Variants in ADGRV1 observed in about 807,000 individuals in gnomAD.
ADGRV1 encodes the protein adhesion G protein-coupled receptor V1.
ADGRV1 carries 359 observed loss-of-function variants against 596.2 expected under a neutral mutation model. The observed-to-expected ratio is 0.60, with a 90% confidence interval of 0.55 to 0.66. ADGRV1 has a LOEUF of 0.66. Among genes scored for constraint, ADGRV1 ranks in the 30% least tolerant of loss-of-function variants. The pLI, the probability that ADGRV1 is intolerant of heterozygous loss-of-function variation, is 0.00. For synonymous variants in ADGRV1, 2,681 were observed against 2,679.2 expected, an observed-to-expected ratio of 1.00 and a Z score of -0.02; for missense variants, 7,274 against 7,575.6, an observed-to-expected ratio of 0.96 and a Z score of 1.48.
At chr5:90,807,054 T>C (rs529841140) in intron 72 of ADGRV1, among the ~76,000 whole-genome samples, 45 of 152,200 alleles carry the variant, frequency 3.0e-4, no homozygotes, top group Non-Finnish European at 5.0e-4. Context: ...GGTTTCACCA[T>C]GTTGGCCAGG....
At chr5:91,070,726 ATAATC>A (rs1370943557) in intron 85 of ADGRV1, among the ~76,000 whole-genome samples, 1 of 152,200 alleles carries the variant, frequency 6.6e-6, no homozygotes, top group Non-Finnish European at 1.5e-5. Flanking sequence ...AAATAAATAA[ATAATC>A]TAAGTTTGCC....
chr5:91,015,337 T>C (rs1176749333), intron 85 of ADGRV1, among the ~76,000 whole-genome samples: 2 of 152,142 alleles, frequency 1.3e-5, no homozygotes, highest in African/African-American at 2.4e-5. Flanking sequence ...CATGTGGCGA[T>C]GAGAAGAATG....
intron 85 of ADGRV1, among the ~76,000 whole-genome samples, chr5:91,008,568 A>G (rs1238959951): frequency 3.9e-5 from 6 of 152,118 alleles, no homozygotes; most frequent in African/African-American, 1.2e-4. Context: ...CAGTGGCATG[A>G]TATCAACTCA....
intron 86 of ADGRV1, among the ~76,000 whole-genome samples, chr5:91,084,126 T>C (rs1277453144): frequency 6.6e-6 from 1 of 152,176 alleles, no homozygotes; most frequent in Non-Finnish European, 1.5e-5. Flanking sequence ...TTCTTACTCC[T>C]ACTTGTTCTT....
At chr5:90,768,605 T>G (rs1378977587) in intron 59 of ADGRV1, among the ~76,000 whole-genome samples, 1 of 152,210 alleles carries the variant, frequency 6.6e-6, no homozygotes, top group Non-Finnish European at 1.5e-5. Context: ...GAGTCACCAT[T>G]GCCCATCTTA....
chr5:90,702,609 T>TA (rs1430733351), intron 34 of ADGRV1, among the ~76,000 whole-genome samples: 1 of 151,944 alleles, frequency 6.6e-6, no homozygotes, highest in Non-Finnish European at 1.5e-5. Context: ...TGTGGCGGTT[T>TA]AAAAAATACT....
At chr5:91,012,418 C>T (rs1782796873) in intron 85 of ADGRV1, among the ~76,000 whole-genome samples, 1 of 151,814 alleles carries the variant, frequency 6.6e-6, no homozygotes, top group Admixed American at 6.6e-5. Context: ...TTCTTTAGAC[C>T]TTTAAATTAT....
intron 53 of ADGRV1, among the ~76,000 whole-genome samples, chr5:90,753,350 T>G (rs983216107): frequency 6.6e-6 from 1 of 152,120 alleles, no homozygotes; most frequent in Middle Eastern, 3.4e-3. Flanking sequence ...GCTGCATTTT[T>G]TTTTATTAGC....
intron 1 of ADGRV1, 29 bp downstream of exon 1, chr5:90,558,946 G>A (rs1425494342): frequency 1.3e-6 from 2 of 1,545,744 alleles, no homozygotes; most frequent in East Asian, 2.4e-5. Context: ...GTGGTGCTGC[G>A]AGCATCGCTG....
At position 90,985,324 on chromosome 5, in the gene ADGRV1, T is replaced by C. The variant is rs1780397321; in HGVS notation, c.17974-20T>C. 6.4e-7 allele frequency: 1 copy of C among 1,569,002 alleles called. No individual in the cohort carries two copies. The highest frequency in any genetic ancestry group is 8.7e-7 in the Non-Finnish European group (1 of 1,153,896). On this transcript the variant is annotated intron_variant, in intron 84 of 89. Transcript: ENST00000405460. ...CCATTAAAGAAGAGCCTGTTCATTT[T>C]ATGTTGTTTTCTTCCTTAGTCTGTG...
intron 67 of ADGRV1, among the ~76,000 whole-genome samples, chr5:90,784,698 C>A (rs1307956378): frequency 6.6e-6 from 1 of 151,856 alleles, no homozygotes; most frequent in Non-Finnish European, 1.5e-5. Flanking sequence ...ACCAGAGGGC[C>A]CAATAGATGT....
chr5:90,631,221 C>T (rs997594928), intron 9 of ADGRV1, among the ~76,000 whole-genome samples: 3 of 152,100 alleles, frequency 2.0e-5, no homozygotes, highest in Admixed American at 6.5e-5. Context: ...TTAGATAACT[C>T]GATCTTTGTC....
chr5:90,578,308 G>GT (rs1757509071), intron 1 of ADGRV1, among the ~76,000 whole-genome samples: 1 of 152,154 alleles, frequency 6.6e-6, no homozygotes, highest in South Asian at 2.1e-4. Context: ...TTTATTGAGA[G>GT]TTTTTAGCAT....
At chr5:90,625,554 CA>C (rs1764628002) in intron 6 of ADGRV1, 1 of 190,080 alleles carries the variant, frequency 5.3e-6, no homozygotes. Context: ...AATATTTTAC[CA>C]TAAAAGCAAA....
chr5:90,662,942 C>G (rs1391737178), intron 21 of ADGRV1, among the ~76,000 whole-genome samples: 1 of 150,954 alleles, frequency 6.6e-6, no homozygotes, highest in Non-Finnish European at 1.5e-5. Flanking sequence ...GACATGAACT[C>G]ATCATTTTTT....
chr5:90,794,267 T>C (rs1202615399), intron 70 of ADGRV1, among the ~76,000 whole-genome samples: 2 of 152,178 alleles, frequency 1.3e-5, no homozygotes, highest in Admixed American at 6.5e-5. Context: ...CAAAAGAGTC[T>C]TGATGTAGGT....
chr5:90,926,452 T>G (rs1774465361), intron 83 of ADGRV1, among the ~76,000 whole-genome samples: 1 of 149,312 alleles, frequency 6.7e-6, no homozygotes. Context: ...GATGGTAGTT[T>G]GTATTTCTGT....
At chr5:90,958,745 C>T (rs1415211572) in intron 83 of ADGRV1, among the ~76,000 whole-genome samples, 2 of 152,070 alleles carry the variant, frequency 1.3e-5, no homozygotes, top group Non-Finnish European at 2.9e-5. Context: ...GGATTAGGAC[C>T]CATTCTAAAG....
At chr5:90,671,119 A>G (rs1053704792) in intron 21 of ADGRV1, among the ~76,000 whole-genome samples, 4 of 152,326 alleles carry the variant, frequency 2.6e-5, no homozygotes, top group African/African-American at 7.2e-5. Context: ...GCTTCTTGGA[A>G]GGTTGAAGTA....
Sources: gnomAD v4.1 joint callset for allele counts (sites outside exome capture counted in the v4.1 genomes callset) on GRCh38, gnomAD v4.1.1 for gene constraint, MANE v1.5 for transcripts, NCBI Gene and HGNC (gene_info 2026-07-23, HGNC 2026-07-21) for gene names.